Variants in ANKS1B observed in about 807,000 individuals in gnomAD.
ANKS1B encodes ankyrin repeat and sterile alpha motif domain containing 1B.
Under a neutral mutation model 148.3 loss-of-function variants are expected in ANKS1B, and 36 were observed. That is an observed-to-expected ratio of 0.24 (90% CI 0.19 to 0.32). The LOEUF (loss-of-function observed/expected upper bound fraction) is 0.32. Ranked by LOEUF, ANKS1B falls within the 10% of genes least tolerant of loss-of-function variation. The pLI is 1.00. For synonymous variants in ANKS1B, 542 were observed against 560.8 expected, an observed-to-expected ratio of 0.97 and a Z score of 0.47; for missense variants, 1,157 against 1,542.6, an observed-to-expected ratio of 0.75 and a Z score of 4.19.
chr12:99,241,269 C>A (rs535906331), intron 14 of ANKS1B, among the ~76,000 whole-genome samples: 26 of 152,310 alleles, frequency 1.7e-4, no homozygotes, highest in African/African-American at 6.3e-4. Context: ...ACTATAAACA[C>A]CTCTACGCAA....
chr12:99,468,143 C>A (rs2096164995), intron 10 of ANKS1B, among the ~76,000 whole-genome samples: 1 of 152,020 alleles, frequency 6.6e-6, no homozygotes, highest in East Asian at 1.9e-4. Flanking sequence ...TGCATATCTA[C>A]AACTATCTGA....
At chr12:99,538,784 T>C (rs1025539891) in intron 9 of ANKS1B, among the ~76,000 whole-genome samples, 4 of 152,144 alleles carry the variant, frequency 2.6e-5, no homozygotes, top group South Asian at 4.1e-4. Context: ...CGTTGAATAA[T>C]AGTGGTGACA....
chr12:98,788,323 G>A (rs567996002), intron 22 of ANKS1B, among the ~76,000 whole-genome samples: 3 of 151,842 alleles, frequency 2.0e-5, no homozygotes, highest in Admixed American at 6.6e-5. Context: ...TTAGGTCTTC[G>A]TTTCTGCAAA....
At chr12:99,203,337 T>C (rs2082282143) in intron 14 of ANKS1B, among the ~76,000 whole-genome samples, 1 of 152,188 alleles carries the variant, frequency 6.6e-6, no homozygotes, top group Admixed American at 6.5e-5. Flanking sequence ...CTGGGACAGC[T>C]TTTCTACTTT....
chr12:99,445,104 TGG>T (rs1473759559), intron 10 of ANKS1B, among the ~76,000 whole-genome samples: 2 of 151,832 alleles, frequency 1.3e-5, no homozygotes, highest in African/African-American at 2.4e-5. Flanking sequence ...ACAGAAAAGG[TGG>T]GATTTGAATT....
chr12:98,750,505 C>A (rs7310962), intron 26 of ANKS1B, among the ~76,000 whole-genome samples: 46,450 of 152,010 alleles, frequency 0.31, 7,614 homozygotes, highest in African/African-American at 0.42. Context: ...TGCTGCTGTT[C>A]CCCATGACAG....
intron 12 of ANKS1B, among the ~76,000 whole-genome samples, chr12:99,283,814 G>T (rs1031706481): frequency 2.0e-5 from 3 of 152,168 alleles, no homozygotes; most frequent in African/African-American, 7.2e-5. Flanking sequence ...GAAGACTAAA[G>T]AAAATGTTTA....
intron 1 of ANKS1B, among the ~76,000 whole-genome samples, chr12:99,896,498 T>A (rs2093393264): frequency 6.6e-6 from 1 of 151,330 alleles, no homozygotes; most frequent in South Asian, 2.1e-4. Flanking sequence ...CATTCATCTA[T>A]CAATGGACAC....
chr12:99,964,681 T>G (rs1177893496), intron 1 of ANKS1B, among the ~76,000 whole-genome samples: 1 of 152,086 alleles, frequency 6.6e-6, no homozygotes, highest in East Asian at 1.9e-4. Flanking sequence ...GATGTCAGTA[T>G]CCAAACAGAA....
chr12:99,521,262 T>G (rs1026700408), intron 9 of ANKS1B, among the ~76,000 whole-genome samples: 5 of 152,222 alleles, frequency 3.3e-5, no homozygotes, highest in Admixed American at 3.3e-4. Flanking sequence ...TTTGTTAAAT[T>G]TATGTAATAG....
rs1156237906 is a variant in ANKS1B at position 98,744,270 on chromosome 12, C to T, written c.*1469G>A. The T allele has an allele frequency of 1.3e-5, 12 of 938,584 alleles. No homozygotes were observed. Among genetic ancestry groups the T allele is most frequent in the Non-Finnish European group, 1.3e-5 (10 of 787,230 alleles). The allele number at this position is 938,584 out of a possible 1,614,324, so 58.1% of individuals were successfully genotyped here. A position where few individuals can be genotyped will look rare whatever the true frequency, so the allele number is the denominator to read the frequency against. ...AAATTCTTCAACACTGAACTAAAAC[C>T]GTATACATTTGTTAGTTTGAAATAA... On this transcript the variant is annotated 3_prime_UTR_variant, in exon 27 of 27. Coordinates refer to ENST00000683438, the MANE Select transcript of ANKS1B (RefSeq NM_001352186.2).
intron 17 of ANKS1B, among the ~76,000 whole-genome samples, chr12:98,922,737 G>A (rs1340681467): frequency 6.6e-6 from 1 of 152,100 alleles, no homozygotes; most frequent in Non-Finnish European, 1.5e-5. Flanking sequence ...GACCTCAGGC[G>A]ATCCACCCAC....
intron 8 of ANKS1B, among the ~76,000 whole-genome samples, chr12:99,726,458 C>A (rs1306578787): frequency 6.6e-6 from 1 of 152,102 alleles, no homozygotes; most frequent in African/African-American, 2.4e-5. Flanking sequence ...CATAAATAGA[C>A]CAATAACAAG....
chr12:99,924,004 A>T (rs919311292), intron 1 of ANKS1B, among the ~76,000 whole-genome samples: 1 of 152,150 alleles, frequency 6.6e-6, no homozygotes, highest in South Asian at 2.1e-4. Context: ...TTAAATTAAA[A>T]TATTGTATAT....
chr12:99,179,552 C>A (rs949555341), intron 14 of ANKS1B, among the ~76,000 whole-genome samples: 1 of 152,026 alleles, frequency 6.6e-6, no homozygotes, highest in African/African-American at 2.4e-5. Flanking sequence ...CTCTTTCCTG[C>A]CATCCTTCTT....
chr12:99,540,361 GTTC>G lies in ANKS1B; in HGVS notation c.1273-35723_1273-35721del, dbSNP rs1166096115. Among the ~76,000 whole-genome samples, 7 of 152,238 alleles carry G rather than the reference GTTC, an allele frequency of 4.6e-5. No homozygotes were observed. In the East Asian group the frequency reaches 1.2e-3, roughly 25 times the overall value. On this transcript the variant is annotated intron_variant, in intron 9 of 26. Transcript: ENST00000683438. Reference sequence around the variant, plus strand: ...TCTACCAAACAACAGCAGAATGTGCGTTCTTCTTAAGTACACGTGAAACATCCT... The same window carrying G: ...TCTACCAAACAACAGCAGAATGTGCGTTCTTAAGTACACGTGAAACATCCT...
chr12:98,923,969 T>G (rs2099804707), intron 17 of ANKS1B, among the ~76,000 whole-genome samples: 1 of 152,220 alleles, frequency 6.6e-6, no homozygotes, highest in South Asian at 2.1e-4. Context: ...TAGGTTTATG[T>G]TTTGCCTTCC....
chr12:99,701,782 G>A (rs373240126), intron 8 of ANKS1B, among the ~76,000 whole-genome samples: 3 of 152,088 alleles, frequency 2.0e-5, no homozygotes, highest in African/African-American at 4.8e-5. Context: ...AAATGAGTGA[G>A]AACATGCAAA....
At chr12:99,494,267 C>G (rs2096581563) in intron 10 of ANKS1B, among the ~76,000 whole-genome samples, 1 of 151,908 alleles carries the variant, frequency 6.6e-6, no homozygotes, top group African/African-American at 2.4e-5. Flanking sequence ...CTAAAGTGGG[C>G]TGAGAAGTGA....
Sources: allele counts gnomAD v4.1 joint callset (sites outside exome capture counted in the v4.1 genomes callset), GRCh38; gene constraint gnomAD v4.1.1; transcripts MANE v1.5; gene names NCBI Gene and HGNC (gene_info 2026-07-23, HGNC 2026-07-21).